Variants in SI observed in about 807,000 individuals in gnomAD.
The protein encoded by SI is sucrase-isomaltase, also known as sucrase-isomaltase, intestinal.
Under a neutral mutation model 253.3 loss-of-function variants are expected in SI, and 235 were observed. That is an observed-to-expected ratio of 0.93 (90% CI 0.83 to 1.03). The LOEUF (loss-of-function observed/expected upper bound fraction) is 1.03, where lower values mean the gene tolerates loss of function less well. Ranked by LOEUF, SI falls within the 50% of genes least tolerant of loss-of-function variation. SI has a pLI of 0.00. For missense variants in SI, 2,442 were observed against 2,211.1 expected (o/e 1.10, Z -2.09); for synonymous variants, 819 against 712.0 (o/e 1.15, Z -2.39).
chr3:165,045,686 A>G (rs1713065296), intron 16 of SI, among the ~76,000 whole-genome samples: 1 of 151,812 alleles, frequency 6.6e-6, no homozygotes, highest in Admixed American at 6.6e-5. Flanking sequence ...CTTTCTTTTT[A>G]AGTATTTAAA....
chr3:165,068,892 A>G (rs984306891), intron 4 of SI, 61 bp from the exon 5 acceptor site: 3 of 1,154,452 alleles, frequency 2.6e-6, no homozygotes, highest in Non-Finnish European at 3.9e-6. Flanking sequence ...CAATTATTAA[A>G]TATATTTATG....
chr3:165,013,620 A>G (rs1718876268), intron 33 of SI, among the ~76,000 whole-genome samples: 1 of 152,074 alleles, frequency 6.6e-6, no homozygotes, highest in Non-Finnish European at 1.5e-5. Flanking sequence ...GCTGAAATTC[A>G]ATTTGCTGAA....
At chr3:165,039,662 T>C (rs993841251) in intron 19 of SI, among the ~76,000 whole-genome samples, 1 of 152,086 alleles carries the variant, frequency 6.6e-6, no homozygotes, top group Non-Finnish European at 1.5e-5. Context: ...AATAACTTCA[T>C]ACAATTTTCT....
In SI at chr3:165,065,367, G is replaced by A. The variant is rs1450206127; in HGVS notation, c.701C>T (p.Pro234Leu). 4 of 1,591,374 alleles carry A rather than the reference G, an allele frequency of 2.5e-6. No individual in the cohort carries two copies. The highest frequency in any genetic ancestry group is 3.4e-6 in the Non-Finnish European group (4 of 1,162,444). The change falls in exon 7 of 48, where the codon CCA (proline) becomes CTA (leucine). Residue 234 changes from proline (P) to leucine (L), a missense_variant. Pro to Leu is a moderately conservative substitution (Grantham distance 98). Transcript: ENST00000264382. Reference protein sequence around the residue: ...DQYLQISTRLPSDYIYGIGEQ... With the variant: ...DQYLQISTRLLSDYIYGIGEQ... ...TCCAATACCATAAATATAATCACTT[G>A]GAAGACGGGTTGAGATCTGTAAGTA...
At chr3:164,979,979 T>A (rs1208220344) in intron 47 of SI, among the ~76,000 whole-genome samples, 2 of 151,864 alleles carry the variant, frequency 1.3e-5, no homozygotes, top group East Asian at 1.9e-4. Flanking sequence ...GATTATTAAG[T>A]TGCTGTAGTC....
chr3:165,028,037 C>A (rs1712020829), intron 25 of SI, among the ~76,000 whole-genome samples: 1 of 151,076 alleles, frequency 6.6e-6, no homozygotes, highest in Non-Finnish European at 1.5e-5. Context: ...CTTAGAAAAC[C>A]CTAAAGACTC....
intron 17 of SI, among the ~76,000 whole-genome samples, chr3:165,042,349 G>A (rs1712880993): frequency 1.3e-5 from 2 of 151,976 alleles, no homozygotes; most frequent in Admixed American, 6.6e-5. Flanking sequence ...TATAAGCCCT[G>A]TATGCAACCA....
At chr3:165,015,058 A>T in intron 33 of SI, 65 bp downstream of exon 33, 1 of 1,256,172 alleles carries the variant, frequency 8.0e-7, no homozygotes, top group Non-Finnish European at 1.2e-6. Context: ...TTTACTAATT[A>T]AATGGAAACT....
At chr3:165,018,972 C>T (rs538349646) in intron 28 of SI, among the ~76,000 whole-genome samples, 122 of 151,640 alleles carry the variant, frequency 8.0e-4, no homozygotes, top group African/African-American at 2.8e-3. Flanking sequence ...AAGTATACAT[C>T]ACATGTGAAA....
At position 165,036,541 on chromosome 3, in the gene SI, A is replaced by G. The variant is rs934918810; in HGVS notation, c.2427-64T>C. 1.3e-5 allele frequency: 15 copies of G among 1,131,826 alleles called. No individual in the cohort carries two copies. In the African/African-American group the frequency reaches 1.8e-4, roughly 14 times the overall value. 70.1% of individuals were successfully genotyped at this position (1,131,826 alleles called of 1,614,324 possible). On this transcript the variant is annotated intron_variant, in intron 21 of 47. Coordinates refer to ENST00000264382, the MANE Select transcript of SI (RefSeq NM_001041.4). ...AATCCATAATAATACAATATCCTAT[A>G]AACAAGTCCACTTCAACCTGTCTGT...
At position 165,037,990 on chromosome 3, in the gene SI, T is replaced by C. The variant is rs1712618549; in HGVS notation, c.2336A>G (p.Asp779Gly). The C allele has an allele frequency of 6.2e-7, 1 of 1,607,314 alleles. No homozygotes were observed. Residue 779 changes from aspartate to glycine, a missense_variant, in exon 21 of 48, where the codon GAT (aspartate) becomes GGT (glycine). Asp to Gly is a moderately conservative substitution (Grantham distance 94). Coordinates refer to ENST00000264382, the MANE Select transcript of SI (RefSeq NM_001041.4). ...TATTTTGTCTGCTGGAAGATACATA[T>C]CAACCCGTTGTTTCCTCCATGGCCT... Reference protein sequence around the residue: ...AKRPWRKQRVDMYLPADKIGL... With the variant: ...AKRPWRKQRVGMYLPADKIGL...
At chr3:165,009,425 G>A in intron 34 of SI, 30 bp from the exon 35 acceptor site, 1 of 1,225,656 alleles carries the variant, frequency 8.2e-7, no homozygotes, top group East Asian at 2.3e-5. Context: ...GCTCACATGT[G>A]GAAAGTCTTA....
intron 25 of SI, among the ~76,000 whole-genome samples, chr3:165,024,612 C>T (rs1407536031): frequency 4.0e-5 from 6 of 150,986 alleles, no homozygotes; most frequent in Non-Finnish European, 8.9e-5. Flanking sequence ...ATCTGTGTAC[C>T]CTATCCCAGG....
At position 165,069,083 on chromosome 3, in the gene SI, C is replaced by G; in HGVS notation, c.368G>C (p.Ser123Thr). Reference sequence around the variant, plus strand: ...TATAACAGAGGACTTCTTACCAATACTTGTTGTTGTCATGTCTTGAACGTT... The same window carrying G: ...TATAACAGAGGACTTCTTACCAATAGTTGTTGTTGTCATGTCTTGAACGTT... ...GYNVQDMTTT[S>T]IGVEAKLNRI... The change falls in exon 4 of 48, where the codon AGT becomes ACT. Residue 123 changes from serine (S) to threonine (T), a missense_variant. Coordinates refer to ENST00000264382, the MANE Select transcript of SI (RefSeq NM_001041.4). 2 of 1,599,078 alleles carry G rather than the reference C, an allele frequency of 1.3e-6. No individual in the cohort carries two copies. The highest frequency in any genetic ancestry group is 1.7e-6 in the Non-Finnish European group (2 of 1,166,448).
chr3:165,034,339 T>G (rs1056234496), intron 22 of SI, among the ~76,000 whole-genome samples: 4 of 152,018 alleles, frequency 2.6e-5, no homozygotes, highest in African/African-American at 9.7e-5. Context: ...GCTATTCATA[T>G]GCATCTTTAT....
chr3:165,029,887 C>A (rs1441931488), intron 25 of SI, among the ~76,000 whole-genome samples: 1 of 150,202 alleles, frequency 6.7e-6, no homozygotes, highest in Non-Finnish European at 1.5e-5. Context: ...TTTTCTTCTC[C>A]TTACTTTTTC....
At chr3:164,999,185 T>C (rs1000936099) in intron 37 of SI, among the ~76,000 whole-genome samples, 1 of 151,764 alleles carries the variant, frequency 6.6e-6, no homozygotes, top group Non-Finnish European at 1.5e-5. Context: ...AAAGAATTGC[T>C]CCATTTCAAG....
chr3:165,002,649 G>T (rs1236374015), intron 37 of SI, among the ~76,000 whole-genome samples: 1 of 151,498 alleles, frequency 6.6e-6, no homozygotes, highest in African/African-American at 2.4e-5. Flanking sequence ...TTCATAATTT[G>T]CTTAAATGTA....
chr3:165,035,267 T>A (rs997938922), intron 22 of SI, among the ~76,000 whole-genome samples: 4 of 151,984 alleles, frequency 2.6e-5, no homozygotes, highest in Non-Finnish European at 4.4e-5. Context: ...AAAGGACTAC[T>A]GGTAAAGAAT....
Sources: allele counts gnomAD v4.1 joint callset (sites outside exome capture counted in the v4.1 genomes callset), GRCh38; gene constraint gnomAD v4.1.1; transcripts MANE v1.5; gene names NCBI Gene and HGNC (gene_info 2026-07-23, HGNC 2026-07-21).